Variants in GRIN2A observed in about 807,000 individuals in gnomAD.
GRIN2A encodes the protein glutamate receptor ionotropic, NMDA 2A.
A neutral mutation model predicts 113.4 loss-of-function variants in GRIN2A; 22 were observed. That is an observed-to-expected ratio of 0.19 (90% CI 0.14 to 0.28). The LOEUF is 0.28. Among genes scored for constraint, GRIN2A ranks in the 10% least tolerant of loss-of-function variants. The pLI is 1.00. For synonymous variants in GRIN2A, 827 were observed against 738.4 expected, an observed-to-expected ratio of 1.12 and a Z score of -1.94; for missense variants, 1,502 against 1,887.0, an observed-to-expected ratio of 0.80 and a Z score of 3.78.
intron 2 of GRIN2A, chr16:10,121,726 T>C (rs2048837837): frequency 6.6e-6 from 1 of 152,202 alleles, no homozygotes; most frequent in African/African-American, 2.4e-5. Flanking sequence ...GTGGGGGTTT[T>C]CTCTAAACTA....
intron 2 of GRIN2A, among the ~76,000 whole-genome samples, chr16:10,069,112 G>T (rs1348422114): frequency 1.3e-5 from 2 of 152,052 alleles, no homozygotes; most frequent in Non-Finnish European, 2.9e-5. Context: ...GAAGAGAAGT[G>T]ACCTGATCCA....
At chr16:9,906,415 G>C (rs763220383) in intron 3 of GRIN2A, among the ~76,000 whole-genome samples, 2 of 152,150 alleles carry the variant, frequency 1.3e-5, no homozygotes, top group Non-Finnish European at 2.9e-5. Flanking sequence ...CATAGCTGTT[G>C]TTTCTGGTTA....
At chr16:9,871,603 C>G (rs2043261963) in intron 4 of GRIN2A, among the ~76,000 whole-genome samples, 1 of 152,176 alleles carries the variant, frequency 6.6e-6, no homozygotes, top group South Asian at 2.1e-4. Flanking sequence ...TATGATGCCT[C>G]TGAGCTATGA....
At chr16:10,021,189 G>A (rs2046714115) in intron 2 of GRIN2A, among the ~76,000 whole-genome samples, 1 of 152,200 alleles carries the variant, frequency 6.6e-6, no homozygotes, top group African/African-American at 2.4e-5. Flanking sequence ...TAAGCAGCCT[G>A]TACCTTCCCA....
chr16:10,146,646 T>G (rs1350423120), intron 2 of GRIN2A, among the ~76,000 whole-genome samples: 1 of 152,020 alleles, frequency 6.6e-6, no homozygotes. Flanking sequence ...TTGTTATGAC[T>G]CTGAAAGCCC....
At chr16:9,968,017 G>T (rs2045589484) in intron 2 of GRIN2A, among the ~76,000 whole-genome samples, 1 of 152,280 alleles carries the variant, frequency 6.6e-6, no homozygotes. Flanking sequence ...TATTTCCAAA[G>T]GTAGTCCCCA....
At chr16:10,067,552 C>T (rs113882688) in intron 2 of GRIN2A, among the ~76,000 whole-genome samples, 217 of 152,272 alleles carry the variant, frequency 1.4e-3, no homozygotes, top group African/African-American at 5.0e-3. Flanking sequence ...CGGAACATTG[C>T]CATCTGTGTG....
chr16:9,763,353 A>G lies in GRIN2A; in HGVS notation c.4191T>C (p.Asn1397=), dbSNP rs1295475837. 5.6e-6 allele frequency: 9 copies of G among 1,614,014 alleles called. No homozygotes were observed. Among genetic ancestry groups the G allele is most frequent in the Middle Eastern group, 1.6e-4 (1 of 6,084 alleles). Residue 1397 remains asparagine (N), a synonymous_variant, in exon 13 of 13, where the codon AAT becomes AAC. Transcript: ENST00000330684. ...YKHSLPSQAV[N]DSYLRSSLRS... ...TCAAGGACGACCGAAGATAGCTGTC[A>G]TTCACCGCCTGGGATGGCAACGAGT...
rs767255081 is a variant in GRIN2A, at chr16:9,764,415, G to C, written c.3129C>G (p.Thr1043=). The C allele has an allele frequency of 6.2e-7, 1 of 1,613,994 alleles. No homozygotes were observed. Among genetic ancestry groups the C allele is most frequent in the Admixed American group, 1.7e-5 (1 of 60,014 alleles). Residue 1043 remains threonine (T), a synonymous_variant, in exon 13 of 13, where the codon ACC becomes ACG. Transcript: ENST00000330684. ...QRDEATAENR[T]HSLKSPRYLP... ...GATACCTAGGGCTCTTTAGGGAGTG[G>C]GTCCTATTCTCTGCTGTTGCCTCAT...
chr16:9,862,103 A>C (rs2043079387), intron 4 of GRIN2A, among the ~76,000 whole-genome samples: 1 of 152,210 alleles, frequency 6.6e-6, no homozygotes, highest in African/African-American at 2.4e-5. Context: ...ACCCCATTTT[A>C]AGGAGCACCA....
At chr16:10,093,078 A>G (rs1321036902) in intron 2 of GRIN2A, among the ~76,000 whole-genome samples, 1 of 152,060 alleles carries the variant, frequency 6.6e-6, no homozygotes, top group Admixed American at 6.6e-5. Flanking sequence ...GGCTCAAGTG[A>G]TCCACCCGCC....
intron 7 of GRIN2A, among the ~76,000 whole-genome samples, chr16:9,838,052 A>T (rs1175573380): frequency 6.6e-6 from 1 of 152,228 alleles, no homozygotes; most frequent in East Asian, 1.9e-4. Flanking sequence ...ACGAAACATG[A>T]AAGTTTCACT....
At chr16:9,936,782 C>G (rs796414898) in intron 3 of GRIN2A, among the ~76,000 whole-genome samples, 5 of 152,222 alleles carry the variant, frequency 3.3e-5, no homozygotes, top group African/African-American at 9.6e-5. Flanking sequence ...GGGAAAAAAT[C>G]AAATGCAAAA....
In GRIN2A at chr16:10,128,174, C is replaced by A. The variant is rs746465615; in HGVS notation, c.414+51824G>T. On this transcript the variant is annotated intron_variant, in intron 2 of 12. Transcript: ENST00000330684. Reference sequence around the variant, plus strand: ...TAGGAAGATCACCACTGGCAGCTCACGGTTGGACCTTTCATGATTCTGCCT... The same window carrying A: ...TAGGAAGATCACCACTGGCAGCTCAAGGTTGGACCTTTCATGATTCTGCCT... Among the ~76,000 whole-genome samples the A allele has an allele frequency of 2.0e-5, 3 of 152,308 alleles. No homozygotes were observed. The East Asian group carries it at 5.8e-4, about 29-fold the overall frequency.
At chr16:10,147,559 C>T (rs1420539435) in intron 2 of GRIN2A, among the ~76,000 whole-genome samples, 1 of 150,836 alleles carries the variant, frequency 6.6e-6, no homozygotes, top group East Asian at 1.9e-4. Flanking sequence ...TCTCTTGAGC[C>T]TGGTAGGGCA....
rs1215025585 is a variant in GRIN2A, at chr16:10,180,150, C to T, written c.262G>A (p.Asp88Asn). ...TGGATGCGTGCCCCGGACATGAGGT[C>T]GCACACGTGCGTGATGAGGCTCTTG... is the stretch of plus-strand genomic sequence containing the variant. ...DPKSLITHVC[D>N]LMSGARIHGL... The change falls in exon 2 of 13, where the codon GAC becomes AAC. Residue 88 changes from aspartate (D) to asparagine (N), a missense_variant. This residue lies in a region of GRIN2A where 149 missense variants were observed against 179.1 expected (regional missense o/e 0.83). Transcript: ENST00000330684. This position sits in a 1 kb window ranked among gnomAD's most constrained non-coding sequence, Gnocchi z 7.0. 1.2e-6 allele frequency: 2 copies of T among 1,614,198 alleles called. No individual in the cohort carries two copies. The highest frequency in any genetic ancestry group is 1.7e-6 in the Non-Finnish European group (2 of 1,180,034).
chr16:10,155,729 G>A lies in GRIN2A; in HGVS notation c.414+24269C>T, dbSNP rs145786957. Among the ~76,000 whole-genome samples the A allele has an allele frequency of 3.2e-4, 48 of 152,274 alleles. 1 individual carries two copies. The East Asian group carries it at 8.7e-3, about 28-fold the overall frequency. On this transcript the variant is annotated intron_variant, in intron 2 of 12. Coordinates refer to ENST00000330684, the MANE Select transcript of GRIN2A (RefSeq NM_001134407.3). ...GGGAGGCCTCACAATCATGGCAGAA[G>A]GCAAATGAGAAGCAAGGTCACATCT... is the stretch of plus-strand genomic sequence containing the variant.
In GRIN2A at chr16:10,078,317, C is replaced by T. The variant is rs145651458; in HGVS notation, c.414+101681G>A. 6.9e-3 allele frequency among the ~76,000 whole-genome samples: 1,047 copies of T among 152,016 alleles called. 7 individuals are homozygous for T. Among genetic ancestry groups the T allele is most frequent in the Non-Finnish European group, 0.012 (810 of 67,954 alleles). On this transcript the variant is annotated intron_variant, in intron 2 of 12. Transcript: ENST00000330684. ...AACCGTGCTGGGGAAATGACAGCCT[C>T]GTCTGTTCCTCGTGACCACACTCTC...
chr16:9,937,939 GACA>G lies in GRIN2A; in HGVS notation c.1007+17_1007+19del, dbSNP rs2141629004. 1 of 1,565,422 alleles carries G rather than the reference GACA, an allele frequency of 6.4e-7. No individual in the cohort carries two copies. ...GCAAAACTCTGATCCCACTTTGGGA[GACA>G]ACAAGCCCTTTCTTACGGGTGCAAG... On this transcript the variant is annotated intron_variant, in intron 3 of 12. Transcript: ENST00000330684.
Sources: allele counts gnomAD v4.1 joint callset (sites outside exome capture counted in the v4.1 genomes callset), GRCh38; gene constraint gnomAD v4.1.1; regional missense constraint gnomAD v4.1.1; non-coding constraint Gnocchi (gnomAD v3.1); transcripts MANE v1.5; gene names NCBI Gene and HGNC (gene_info 2026-07-23, HGNC 2026-07-21).